Variants in RSU1 observed in about 807,000 individuals in gnomAD.
RSU1 encodes Ras suppressor protein 1, also known as rsu-1.
RSU1 carries 26 observed loss-of-function variants against 31.1 expected under a neutral mutation model. The ratio of observed to expected loss-of-function variants is 0.84; its 90% CI spans 0.61 to 1.16. RSU1 has a LOEUF of 1.16. Among genes scored for constraint, RSU1 ranks in the 50% most tolerant of loss-of-function variants. The pLI is 0.00. For synonymous variants in RSU1, 164 were observed against 136.3 expected, an observed-to-expected ratio of 1.20 and a Z score of -1.41; for missense variants, 320 against 339.1, an observed-to-expected ratio of 0.94 and a Z score of 0.44.
At chr10:16,723,937 T>C (rs984375020) in intron 7 of RSU1, among the ~76,000 whole-genome samples, 4 of 152,186 alleles carry the variant, frequency 2.6e-5, no homozygotes, top group Non-Finnish European at 5.9e-5. Flanking sequence ...TTATGAGACA[T>C]GCCTTTTTAT....
intron 7 of RSU1, among the ~76,000 whole-genome samples, chr10:16,698,568 T>A (rs560656151): frequency 6.6e-6 from 1 of 152,182 alleles, no homozygotes; most frequent in Non-Finnish European, 1.5e-5. Flanking sequence ...AGGTCAGCCA[T>A]GTTCTCTGGG....
chr10:16,788,098 T>C (rs1837832398), intron 2 of RSU1, among the ~76,000 whole-genome samples: 1 of 151,796 alleles, frequency 6.6e-6, no homozygotes, highest in African/African-American at 2.4e-5. Flanking sequence ...ATGAAAAAAA[T>C]CTCCCCAGAA....
intron 8 of RSU1, among the ~76,000 whole-genome samples, chr10:16,598,126 T>G (rs1006260213): frequency 4.6e-5 from 7 of 152,328 alleles, no homozygotes; most frequent in African/African-American, 1.4e-4. Flanking sequence ...AACCTGTGAC[T>G]GTTATTTTCC....
intron 7 of RSU1, chr10:16,727,050 A>G: frequency 4.4e-6 from 2 of 456,572 alleles, no homozygotes; most frequent in Non-Finnish European, 8.8e-6. Flanking sequence ...ATGAGGGAAG[A>G]GTTTCAAGGA....
At chr10:16,682,409 G>A (rs1401979607) in intron 8 of RSU1, among the ~76,000 whole-genome samples, 4 of 152,224 alleles carry the variant, frequency 2.6e-5, no homozygotes, top group African/African-American at 9.6e-5. Context: ...GGAAAACAAA[G>A]GCATTCCTAA....
intron 8 of RSU1, among the ~76,000 whole-genome samples, chr10:16,670,525 A>G (rs1835086777): frequency 6.6e-6 from 1 of 152,152 alleles, no homozygotes; most frequent in African/African-American, 2.4e-5. Flanking sequence ...GTGACTAATC[A>G]AAGCAGGGTT....
intron 7 of RSU1, among the ~76,000 whole-genome samples, chr10:16,718,735 C>T (rs764758963): frequency 6.6e-6 from 1 of 152,124 alleles, no homozygotes; most frequent in Non-Finnish European, 1.5e-5. Context: ...ATTCCCAGCA[C>T]TTTGGGAGGC....
At chr10:16,614,881 G>C (rs1429905289) in intron 8 of RSU1, among the ~76,000 whole-genome samples, 4 of 151,986 alleles carry the variant, frequency 2.6e-5, no homozygotes, top group Non-Finnish European at 5.9e-5. Flanking sequence ...GAGCTCCTGA[G>C]GAAGCACTAA....
chr10:16,610,916 C>A (rs1348254483), intron 8 of RSU1, among the ~76,000 whole-genome samples: 1 of 152,138 alleles, frequency 6.6e-6, no homozygotes, highest in African/African-American at 2.4e-5. Flanking sequence ...TAGAGATTTT[C>A]CCAATGTCCT....
At chr10:16,608,687 C>T (rs914599386) in intron 8 of RSU1, among the ~76,000 whole-genome samples, 1 of 151,984 alleles carries the variant, frequency 6.6e-6, no homozygotes, top group South Asian at 2.1e-4. Flanking sequence ...GAGAGCTCAA[C>T]AGGAGATGAG....
intron 8 of RSU1, among the ~76,000 whole-genome samples, chr10:16,680,882 T>C (rs1835318334): frequency 6.6e-6 from 1 of 152,146 alleles, no homozygotes; most frequent in Non-Finnish European, 1.5e-5. Context: ...AGCACCTTGT[T>C]CCCAAGGGAA....
chr10:16,742,964 G>C (rs1836781604), intron 7 of RSU1, among the ~76,000 whole-genome samples: 2 of 152,280 alleles, frequency 1.3e-5, no homozygotes, highest in Non-Finnish European at 2.9e-5. Flanking sequence ...AATGGAACTT[G>C]TTAAAAAATA....
intron 8 of RSU1, among the ~76,000 whole-genome samples, chr10:16,673,070 C>T (rs1022406254): frequency 1.3e-5 from 2 of 152,210 alleles, no homozygotes; most frequent in Non-Finnish European, 2.9e-5. Flanking sequence ...TTCTCCAAGG[C>T]TACACCTGCT....
At chr10:16,812,985 C>CT (rs34410264) in intron 2 of RSU1, among the ~76,000 whole-genome samples, 22,338 of 145,294 alleles carry the variant, frequency 0.15, 1,945 homozygotes, top group East Asian at 0.31. Flanking sequence ...TGCTGGGAAG[C>CT]TTTTTTTTTT....
intron 7 of RSU1, among the ~76,000 whole-genome samples, chr10:16,730,884 C>T (rs1053865189): frequency 6.6e-6 from 1 of 152,016 alleles, no homozygotes; most frequent in Non-Finnish European, 1.5e-5. Flanking sequence ...AGTGCAATGG[C>T]GTGATCTTGG....
intron 4 of RSU1, among the ~76,000 whole-genome samples, chr10:16,759,316 A>G (rs1159409638): frequency 6.6e-6 from 1 of 151,980 alleles, no homozygotes; most frequent in Non-Finnish European, 1.5e-5. Flanking sequence ...CCTGAGCAAC[A>G]TGGCAAAAAC....
intron 8 of RSU1, among the ~76,000 whole-genome samples, chr10:16,619,915 T>A (rs2131477423): frequency 6.6e-6 from 1 of 152,300 alleles, no homozygotes; most frequent in Middle Eastern, 3.4e-3. Context: ...CAAGTTTTCA[T>A]CCAAGGTACT....
At chr10:16,751,149 G>A (rs1459743200) in intron 7 of RSU1, among the ~76,000 whole-genome samples, 1 of 152,006 alleles carries the variant, frequency 6.6e-6, no homozygotes, top group Non-Finnish European at 1.5e-5. Context: ...TTACAACTGG[G>A]AGCCACCGTG....
At chr10:16,621,986 A>G (rs1834078696) in intron 8 of RSU1, among the ~76,000 whole-genome samples, 2 of 152,332 alleles carry the variant, frequency 1.3e-5, no homozygotes, top group African/African-American at 2.4e-5. Flanking sequence ...ACATTATAAC[A>G]ATACAGGTGC....
Sources: allele counts gnomAD v4.1 joint callset (sites outside exome capture counted in the v4.1 genomes callset), GRCh38; gene constraint gnomAD v4.1.1; transcripts MANE v1.5; gene names NCBI Gene and HGNC (gene_info 2026-07-23, HGNC 2026-07-21).